The following KIAA1958 variants were observed in gnomAD, a reference collection of about 807,000 sequenced individuals.
KIAA1958 encodes the protein KIAA1958.
KIAA1958 carries 14 observed loss-of-function variants against 47.2 expected under a neutral mutation model. The ratio of observed to expected loss-of-function variants is 0.30; its 90% CI spans 0.20 to 0.46. The LOEUF is 0.46. Among genes scored for constraint, KIAA1958 ranks in the 20% least tolerant of loss-of-function variants. The pLI, the probability that KIAA1958 is intolerant of heterozygous loss-of-function variation, is 1.00. For synonymous variants in KIAA1958, 354 were observed against 353.3 expected, an observed-to-expected ratio of 1.00 and a Z score of -0.02; for missense variants, 803 against 909.2, an observed-to-expected ratio of 0.88 and a Z score of 1.50.
At chr9:112,577,776 GA>G (rs35264533) in intron 2 of KIAA1958, among the ~76,000 whole-genome samples, 96,538 of 145,956 alleles carry the variant, frequency 0.66, 31,551 homozygotes, top group Non-Finnish European at 0.68. Flanking sequence ...CAGCCTATTT[GA>G]AAAAAAAAAA....
intron 3 of KIAA1958, among the ~76,000 whole-genome samples, chr9:112,646,323 G>A (rs1380406866): frequency 6.6e-6 from 1 of 152,110 alleles, no homozygotes; most frequent in East Asian, 1.9e-4. Flanking sequence ...TTTTGTTTTT[G>A]CTAAGGAGAG....
At chr9:112,573,813 A>G (rs1049235017) in intron 1 of KIAA1958, among the ~76,000 whole-genome samples, 2 of 152,122 alleles carry the variant, frequency 1.3e-5, no homozygotes, top group African/African-American at 4.8e-5. Flanking sequence ...AGGAATTATT[A>G]TAACAATAAA....
chr9:112,569,008 A>T (rs1373142058), intron 1 of KIAA1958, among the ~76,000 whole-genome samples: 1 of 142,912 alleles, frequency 7.0e-6, no homozygotes, highest in Non-Finnish European at 1.5e-5. Context: ...ATATTATGGC[A>T]GTTGCATGGA....
chr9:112,559,352 G>C (rs565371283), intron 1 of KIAA1958, among the ~76,000 whole-genome samples: 1 of 152,336 alleles, frequency 6.6e-6, no homozygotes, highest in Admixed American at 6.5e-5. Context: ...TCAAAATAGA[G>C]TGATGTGCTC....
At chr9:112,641,505 G>A (rs10733593) in intron 2 of KIAA1958, among the ~76,000 whole-genome samples, 102,561 of 150,168 alleles carry the variant, frequency 0.68, 35,518 homozygotes, top group Non-Finnish European at 0.75. Context: ...ATATGTTTAC[G>A]TGTATGTCTT....
chr9:112,659,632 C>T lies in KIAA1958; in HGVS notation c.1714C>T (p.Leu572=), dbSNP rs1402012265. The change falls in exon 4 of 4, where the codon CTG becomes TTG. Residue 572 remains leucine, a synonymous_variant. Transcript: ENST00000337530. The part of the protein sequence containing the change: ...YNSQYLNMRT[L]QEHADLMYGD... ...CAGCCAGTACCTGAACATGCGGACGCTGCAGGAGCATGCGGATCTGATGTA... is the reference window on the plus strand; with the variant it reads ...CAGCCAGTACCTGAACATGCGGACGTTGCAGGAGCATGCGGATCTGATGTA... 8.1e-6 allele frequency: 13 copies of T among 1,614,130 alleles called. No individual in the cohort carries two copies. Among genetic ancestry groups the T allele is most frequent in the Non-Finnish European group, 1.1e-5 (13 of 1,179,970 alleles).
intron 2 of KIAA1958, among the ~76,000 whole-genome samples, chr9:112,628,156 A>G (rs907930927): frequency 6.6e-6 from 1 of 152,204 alleles, no homozygotes; most frequent in African/African-American, 2.4e-5. Flanking sequence ...AGATCTCCAC[A>G]CTTGATGCAG....
At chr9:112,637,574 C>T (rs1211346696) in intron 2 of KIAA1958, among the ~76,000 whole-genome samples, 1 of 151,890 alleles carries the variant, frequency 6.6e-6, no homozygotes, top group South Asian at 2.1e-4. Context: ...GATGGCTGTT[C>T]ACCATGTTGG....
rs1837364595 is a variant in KIAA1958 at position 112,667,417 on chromosome 9, A to T, written c.*7348A>T. 6.6e-6 allele frequency: 1 copy of T among 152,196 alleles called. No homozygotes were observed. The highest frequency in any genetic ancestry group is 1.5e-5 in the Non-Finnish European group (1 of 68,056). 9.4% of individuals were successfully genotyped at this position (152,196 alleles called of 1,614,324 possible). On this transcript the variant is annotated 3_prime_UTR_variant, in exon 4 of 4. Transcript: ENST00000337530. ...CATGGTGAACCCCGTCTCTACTAAA[A>T]ATACAAATATTAGCCGGGCATGGTA...
At chr9:112,526,269 C>G (rs1220758102) in intron 1 of KIAA1958, among the ~76,000 whole-genome samples, 2 of 137,628 alleles carry the variant, frequency 1.5e-5, no homozygotes, top group African/African-American at 5.5e-5. Flanking sequence ...TTTTTTTTTT[C>G]TTGAGACAGA....
intron 1 of KIAA1958, among the ~76,000 whole-genome samples, chr9:112,547,977 A>G (rs1311093894): frequency 6.8e-6 from 1 of 147,380 alleles, no homozygotes; most frequent in East Asian, 2.0e-4. Flanking sequence ...AACCCTTTCA[A>G]CCAATTGCCA....
chr9:112,538,736 T>TTGAATCTAGAGGAAC (rs1415953381), intron 1 of KIAA1958, among the ~76,000 whole-genome samples: 1 of 152,170 alleles, frequency 6.6e-6, no homozygotes, highest in Admixed American at 6.5e-5. Flanking sequence ...CTTAAGAGTA[T>TTGAATCTAGAGGAAC]TGAATCTAGA....
chr9:112,540,324 T>A (rs561571872), intron 1 of KIAA1958, among the ~76,000 whole-genome samples: 3 of 152,328 alleles, frequency 2.0e-5, no homozygotes, highest in Admixed American at 1.3e-4. Flanking sequence ...TAATTTACTT[T>A]CAAATGATTC....
chr9:112,538,312 G>A (rs985117591), intron 1 of KIAA1958, among the ~76,000 whole-genome samples: 7 of 151,928 alleles, frequency 4.6e-5, no homozygotes, highest in African/African-American at 1.2e-4. Context: ...TGGTTGTGCC[G>A]CTGTACTCCA....
chr9:112,660,131 C>A lies in KIAA1958; in HGVS notation c.*62C>A. The A allele has an allele frequency of 6.8e-7, 1 of 1,477,906 alleles. No homozygotes were observed. The highest frequency in any genetic ancestry group is 9.3e-7 in the Non-Finnish European group (1 of 1,079,150). 91.5% of individuals were successfully genotyped at this position (1,477,906 alleles called of 1,614,324 possible). A position where few individuals can be genotyped will look rare whatever the true frequency, so the allele number is the denominator to read the frequency against. On this transcript the variant is annotated 3_prime_UTR_variant, in exon 4 of 4. Transcript: ENST00000337530. ...CTCGGGCCAGCCAGGGTTGGAGCAG[C>A]TGGAGCTCCTTGGAGGCAGGGGCTG...
intron 2 of KIAA1958, among the ~76,000 whole-genome samples, chr9:112,619,714 G>A (rs565908209): frequency 6.6e-6 from 1 of 151,916 alleles, no homozygotes; most frequent in East Asian, 1.9e-4. Context: ...TTCTTTTTTT[G>A]TCCCTAAGAA....
chr9:112,619,046 A>AT (rs1056167944), intron 2 of KIAA1958: 1 of 976,720 alleles, frequency 1.0e-6, no homozygotes, highest in Admixed American at 4.8e-5. Flanking sequence ...TATATAATAT[A>AT]TTTTTCTTTT....
intron 1 of KIAA1958, among the ~76,000 whole-genome samples, chr9:112,504,654 T>C (rs1450448392): frequency 6.6e-6 from 1 of 152,142 alleles, no homozygotes; most frequent in Non-Finnish European, 1.5e-5. Context: ...CCTAATCTTA[T>C]CATAAAGATA....
At chr9:112,523,185 C>G (rs1000974910) in intron 1 of KIAA1958, among the ~76,000 whole-genome samples, 1 of 152,112 alleles carries the variant, frequency 6.6e-6, no homozygotes, top group Admixed American at 6.5e-5. Context: ...GAGGGTGGTT[C>G]CATTAGGATG....
Sources: gnomAD v4.1 joint callset for allele counts (sites outside exome capture counted in the v4.1 genomes callset) on GRCh38, gnomAD v4.1.1 for gene constraint, MANE v1.5 for transcripts, NCBI Gene and HGNC (gene_info 2026-07-23, HGNC 2026-07-21) for gene names.